The following SKI variants were observed in gnomAD, a reference collection of about 807,000 sequenced individuals.
SKI encodes SKI proto-oncogene.
Under a neutral mutation model 59.3 loss-of-function variants are expected in SKI, and 23 were observed. That is an observed-to-expected ratio of 0.39 (90% CI 0.28 to 0.55). SKI has a LOEUF of 0.55. Among genes scored for constraint, SKI ranks in the 20% least tolerant of loss-of-function variants. The probability of loss-of-function intolerance (pLI) is 0.67; values close to 1 mark genes in which losing one functional copy is unlikely to be tolerated. For missense variants in SKI, 1,017 were observed against 1,038.9 expected (o/e 0.98, Z 0.29); for synonymous variants, 673 against 488.6 (o/e 1.38, Z -4.98).
chr1:2,231,434 T>C (rs1638635949), intron 1 of SKI, among the ~76,000 whole-genome samples: 1 of 152,136 alleles, frequency 6.6e-6, no homozygotes, highest in Admixed American at 6.5e-5. Flanking sequence ...GGGGGCCCAT[T>C]GGAGTGGCCA....
chr1:2,306,227 C>G lies in SKI; in HGVS notation c.1975C>G (p.Leu659Val). 1 of 1,560,188 alleles carries G rather than the reference C, an allele frequency of 6.4e-7. No individual in the cohort carries two copies. Among genetic ancestry groups the G allele is most frequent in the Non-Finnish European group, 8.7e-7 (1 of 1,153,208 alleles). ...VCDKGCEAGR[L>V]RAKYSAQIED... ...CGACAAGGGCTGCGAGGCGGGCCGC[C>G]TGCGCGCCAAGTACTCGGCCCAGGT... Residue 659 changes from leucine (L) to valine (V), a missense_variant, in exon 6 of 7, where the codon CTG becomes GTG. Leu to Val is a conservative substitution (Grantham distance 32). Transcript: ENST00000378536.
intron 1 of SKI, among the ~76,000 whole-genome samples, chr1:2,285,826 A>G (rs969840178): frequency 5.3e-5 from 8 of 150,280 alleles, no homozygotes; most frequent in Admixed American, 2.0e-4. Context: ...TGGACCTCCT[A>G]AAGTGCTGGG....
chr1:2,275,659 T>C (rs1177156842), intron 1 of SKI, among the ~76,000 whole-genome samples: 1 of 152,172 alleles, frequency 6.6e-6, no homozygotes, highest in Non-Finnish European at 1.5e-5. Context: ...ACTACAGGCG[T>C]GTGCCATCAC....
chr1:2,272,350 G>A (rs1338197676), intron 1 of SKI, among the ~76,000 whole-genome samples: 2 of 152,258 alleles, frequency 1.3e-5, no homozygotes, highest in Admixed American at 1.3e-4. Flanking sequence ...GAAACCAGAG[G>A]TGTTGAGACC....
At chr1:2,305,471 C>T (rs527647926) in intron 5 of SKI, among the ~76,000 whole-genome samples, 5 of 152,204 alleles carry the variant, frequency 3.3e-5, no homozygotes, top group African/African-American at 7.2e-5. Flanking sequence ...GCACGTCCCC[C>T]GCCACTGTTG....
chr1:2,286,753 A>G (rs1640047472), intron 1 of SKI, among the ~76,000 whole-genome samples: 1 of 152,114 alleles, frequency 6.6e-6, no homozygotes, highest in Non-Finnish European at 1.5e-5. Flanking sequence ...CTCCCTCCCA[A>G]GGCTCCGGTC....
At chr1:2,230,672 G>C (rs1439977484) in intron 1 of SKI, among the ~76,000 whole-genome samples, 4 of 152,196 alleles carry the variant, frequency 2.6e-5, no homozygotes, top group South Asian at 2.1e-4. Flanking sequence ...ACTCAGTGGG[G>C]TCCTCAGGAA....
At chr1:2,286,963 G>T (rs1640052463) in intron 1 of SKI, among the ~76,000 whole-genome samples, 1 of 152,232 alleles carries the variant, frequency 6.6e-6, no homozygotes, top group Non-Finnish European at 1.5e-5. Context: ...CCAATGATGG[G>T]GACAGAGCGT....
In SKI at chr1:2,309,241, C is replaced by T. The variant is rs140239034; in HGVS notation, c.*2476C>T. 3 of 152,282 alleles carry T rather than the reference C, an allele frequency of 2.0e-5. No homozygotes were observed. Among genetic ancestry groups the T allele is most frequent in the Non-Finnish European group, 2.9e-5 (2 of 68,020 alleles). 9.4% of individuals were successfully genotyped at this position (152,282 alleles called of 1,614,324 possible). ...TTCAGCAGAAGGGGGAAGAGGTGTC[C>T]GCTGTGTGGGCTGCTGACTCCTCTG... On this transcript the variant is annotated 3_prime_UTR_variant, in exon 7 of 7. Transcript: ENST00000378536.
chr1:2,246,303 C>G (rs555394911), intron 1 of SKI, among the ~76,000 whole-genome samples: 3 of 152,084 alleles, frequency 2.0e-5, no homozygotes, highest in African/African-American at 2.4e-5. Context: ...GGCATTTTTT[C>G]GTGTGCTTAT....
Position 2,229,292 on chromosome 1 carries a change from C to A in SKI, c.526C>A (p.Leu176Ile). The change falls in exon 1 of 7, where the codon CTC becomes ATC. Residue 176 changes from leucine (L) to isoleucine (I), a missense_variant. By Grantham distance (5) the Leu-to-Ile change is conservative. Transcript: ENST00000378536. This position sits in a 1 kb window ranked among gnomAD's most constrained non-coding sequence, Gnocchi z 6.3. ...GCCCTTCTCGGCGCCCTCGTGCGGG[C>A]TCATCACCAAGACGGACGCCGAGCG... ...ILPFSAPSCGLITKTDAERLC... is the reference protein window; with the variant it reads ...ILPFSAPSCGIITKTDAERLC... The A allele has an allele frequency of 6.3e-7, 1 of 1,596,566 alleles. No individual in the cohort carries two copies. Among genetic ancestry groups the A allele is most frequent in the Non-Finnish European group, 8.5e-7 (1 of 1,172,472 alleles).
intron 1 of SKI, among the ~76,000 whole-genome samples, chr1:2,290,112 G>A (rs1176830690): frequency 2.6e-5 from 4 of 152,206 alleles, no homozygotes; most frequent in East Asian, 1.9e-4. Context: ...GGAGGGAGTC[G>A]GTAAGGCAAG....
At chr1:2,301,436 C>T (rs1640424193) in intron 1 of SKI, among the ~76,000 whole-genome samples, 1 of 152,204 alleles carries the variant, frequency 6.6e-6, no homozygotes, top group Admixed American at 6.5e-5. Context: ...TATCTTTCTC[C>T]CTTGGGCCCA....
intron 1 of SKI, among the ~76,000 whole-genome samples, chr1:2,264,063 A>G (rs2100842977): frequency 6.6e-6 from 1 of 152,022 alleles, no homozygotes; most frequent in South Asian, 2.1e-4. Context: ...ACTCGGACCC[A>G]GAGTGTTTTT....
intron 5 of SKI, among the ~76,000 whole-genome samples, 166 bp downstream of exon 5, chr1:2,304,751 C>T (rs1263170186): frequency 6.6e-6 from 1 of 152,234 alleles, no homozygotes; most frequent in Non-Finnish European, 1.5e-5. Context: ...GTCCGTCTCC[C>T]AAAAGCTGCA....
At chr1:2,275,324 C>T (rs1639717477) in intron 1 of SKI, among the ~76,000 whole-genome samples, 1 of 152,180 alleles carries the variant, frequency 6.6e-6, no homozygotes, top group Non-Finnish European at 1.5e-5. Context: ...GAGGTTCCCA[C>T]AGGGAGGAGG....
chr1:2,228,801 A>C lies in SKI; in HGVS notation c.35A>C (p.Gln12Pro), dbSNP rs1159722950. ...EAAAGGRGCF[Q>P]PHPGLQKTLE... ...GCGGCAGGCGGCCGCGGCTGTTTCC[A>C]GCCGCACCCGGGGCTGCAGAAGACG... Residue 12 changes from glutamine to proline, a missense_variant, in exon 1 of 7, where the codon CAG becomes CCG. Gln to Pro is a moderately conservative substitution (Grantham distance 76). Transcript: ENST00000378536. The C allele has an allele frequency of 1.5e-6, 2 of 1,336,172 alleles. No homozygotes were observed. The highest frequency in any genetic ancestry group is 2.6e-5 in the Admixed American group (1 of 37,974). The allele number at this position is 1,336,172 out of a possible 1,614,324, so 82.8% of individuals were successfully genotyped here. A position where few individuals can be genotyped will look rare whatever the true frequency, so the allele number is the denominator to read the frequency against.
In SKI at chr1:2,290,771, T is replaced by A. The variant is rs142038717; in HGVS notation, c.970-12207T>A. The stretch of plus-strand genomic sequence containing the variant: ...GAGGGTTGGGCTTGCGGAGCCGTCC[T>A]GTAAAGCCGGGGATGGCAGGACGCA... On this transcript the variant is annotated intron_variant, in intron 1 of 6. Coordinates refer to ENST00000378536, the MANE Select transcript of SKI (RefSeq NM_003036.4). Among the ~76,000 whole-genome samples the A allele has an allele frequency of 3.0e-3, 460 of 152,316 alleles. 3 individuals are homozygous for A. The highest frequency in any genetic ancestry group is 0.01 in the African/African-American group (420 of 41,584).
chr1:2,295,276 C>T (rs1373456883), intron 1 of SKI, among the ~76,000 whole-genome samples: 4 of 152,240 alleles, frequency 2.6e-5, no homozygotes, highest in Admixed American at 2.0e-4. Flanking sequence ...CTCTGGCTCC[C>T]AGGCATCTCA....
Sources: gnomAD v4.1 joint callset for allele counts (sites outside exome capture counted in the v4.1 genomes callset) on GRCh38, gnomAD v4.1.1 for gene constraint, Gnocchi (gnomAD v3.1) non-coding constraint, MANE v1.5 for transcripts, NCBI Gene and HGNC (gene_info 2026-07-23, HGNC 2026-07-21) for gene names.